The following DENND2A variants were observed in gnomAD, a reference collection of about 807,000 sequenced individuals.
DENND2A encodes DENN domain-containing protein 2A.
In DENND2A, 53 loss-of-function variants were observed where a neutral mutation model predicts 105.3. The ratio of observed to expected loss-of-function variants is 0.50; its 90% CI spans 0.40 to 0.63. DENND2A has a LOEUF of 0.63. Among genes scored for constraint, DENND2A ranks in the 30% least tolerant of loss-of-function variants. The probability of loss-of-function intolerance (pLI) is 0.00; values close to 1 mark genes in which losing one functional copy is unlikely to be tolerated. For synonymous variants in DENND2A, 522 were observed against 508.4 expected, an observed-to-expected ratio of 1.03 and a Z score of -0.36; for missense variants, 1,138 against 1,279.6, an observed-to-expected ratio of 0.89 and a Z score of 1.69.
At position 140,558,187 on chromosome 7, in the gene DENND2A, C is replaced by T; in HGVS notation, c.1915G>A (p.Gly639Arg). ...CCGAACCTTCTGCTCCCATCTTCTC[C>T]AGTTAAGACAAATGAGAATGTTTCA... ...TSETFSFVLT[G>R]EDGSRRFGYC... Residue 639 changes from glycine (G) to arginine (R), a missense_variant, in exon 11 of 20, where the codon GGA becomes AGA. Physicochemically the swap from Gly to Arg is moderately radical, Grantham distance 125. Around this residue, in one of 2 missense-constraint regions of DENND2A, gnomAD observed 627 missense variants for 779.8 expected, o/e 0.80. Transcript: ENST00000496613. 6.2e-7 allele frequency: 1 copy of T among 1,613,606 alleles called. No individual in the cohort carries two copies. Among genetic ancestry groups the T allele is most frequent in the Non-Finnish European group, 8.5e-7 (1 of 1,179,554 alleles).
Position 140,585,840 on chromosome 7 carries a change from T to G in DENND2A, c.1124-130A>C, listed in dbSNP as rs532588099. On this transcript the variant is annotated intron_variant, in intron 4 of 19. Transcript: ENST00000496613. ...GGCATATCTGCTGTTTTGCCATCCA[T>G]GCGCCCCTCCTGTTGGCAGCAGTCT... The G allele has an allele frequency of 6.8e-6, 9 of 1,317,074 alleles. No homozygotes were observed. The East Asian group carries it at 2.1e-4, about 31-fold the overall frequency. The allele number at this position is 1,317,074 out of a possible 1,614,324, so 81.6% of individuals were successfully genotyped here. A position where few individuals can be genotyped will look rare whatever the true frequency, so the allele number is the denominator to read the frequency against.
At chr7:140,563,810 C>T (rs750350263) in intron 9 of DENND2A, among the ~76,000 whole-genome samples, 1 of 151,128 alleles carries the variant, frequency 6.6e-6, no homozygotes, top group Non-Finnish European at 1.5e-5. Flanking sequence ...CTCGTCTCTA[C>T]GAAAAATAAA....
chr7:140,613,441 G>A (rs953099398), intron 1 of DENND2A, among the ~76,000 whole-genome samples: 3 of 151,502 alleles, frequency 2.0e-5, no homozygotes, highest in Non-Finnish European at 2.9e-5. Context: ...TTGGGAGGCT[G>A]AGGCAGGAGA....
chr7:140,599,329 C>T (rs1007176907), intron 3 of DENND2A, among the ~76,000 whole-genome samples: 16 of 148,024 alleles, frequency 1.1e-4, no homozygotes, highest in African/African-American at 3.0e-4. Context: ...TACTCTGTCT[C>T]GAAAAAAAAA....
At chr7:140,612,051 A>C (rs986924888) in intron 1 of DENND2A, among the ~76,000 whole-genome samples, 2 of 151,998 alleles carry the variant, frequency 1.3e-5, no homozygotes, top group African/African-American at 2.4e-5. Context: ...GACCAGCCTG[A>C]CCAAATGGTG....
intron 5 of DENND2A, among the ~76,000 whole-genome samples, chr7:140,574,359 C>T (rs1204878318): frequency 1.3e-5 from 2 of 152,056 alleles, no homozygotes; most frequent in Non-Finnish European, 2.9e-5. Flanking sequence ...GCTGGGACTG[C>T]AAGCACACAC....
At chr7:140,621,206 T>A (rs547367845) in intron 1 of DENND2A, among the ~76,000 whole-genome samples, 2 of 151,950 alleles carry the variant, frequency 1.3e-5, no homozygotes, top group African/African-American at 4.8e-5. Context: ...TTAAAAAATT[T>A]TTTTTTTTTG....
At chr7:140,575,442 A>G (rs1798260072) in intron 5 of DENND2A, among the ~76,000 whole-genome samples, 1 of 152,158 alleles carries the variant, frequency 6.6e-6, no homozygotes, top group South Asian at 2.1e-4. Context: ...TATGATGCAT[A>G]TAGCTTCAGA....
rs528163839 is a variant in DENND2A at position 140,556,401 on chromosome 7, C to T, written c.1960-688G>A. Among the ~76,000 whole-genome samples the T allele has an allele frequency of 6.1e-4, 92 of 151,912 alleles. 1 individual carries two copies. The highest frequency in any genetic ancestry group is 2.3e-3 in the South Asian group (11 of 4,800). On this transcript the variant is annotated intron_variant, in intron 11 of 19. Coordinates refer to ENST00000496613, the MANE Select transcript of DENND2A (RefSeq NM_015689.5). ...TTGTCCAGACTGGAGTGCAGCGACG[C>T]GATCTCAGCTCACTGCACCCTCCAC...
chr7:140,566,093 G>T (rs901270852), intron 9 of DENND2A, among the ~76,000 whole-genome samples: 3 of 152,062 alleles, frequency 2.0e-5, no homozygotes, highest in African/African-American at 7.2e-5. Flanking sequence ...TTTACTTTTT[G>T]CAATCTCTGC....
chr7:140,590,497 AG>A (rs759939176), intron 3 of DENND2A, among the ~76,000 whole-genome samples: 116 of 152,346 alleles, frequency 7.6e-4, no homozygotes, highest in Non-Finnish European at 1.6e-3. Flanking sequence ...GGTTACTGTC[AG>A]ACACCTGGGA....
rs369997641 is a variant in DENND2A, at chr7:140,602,102, A to G, written c.296T>C (p.Met99Thr). Residue 99 changes from methionine (M) to threonine (T), a missense_variant, in exon 3 of 20, where the codon ATG (methionine) becomes ACG (threonine). By Grantham distance (81) the Met-to-Thr change is moderately conservative (BLOSUM62 -1). This residue lies in a region of DENND2A where 511 missense variants were observed against 499.9 expected (regional missense o/e 1.02). Coordinates refer to ENST00000496613, the MANE Select transcript of DENND2A (RefSeq NM_015689.5). ...CTCTGTGCTCTCTGTTCCTGGCCTC[A>G]TTCCATTCTTAGCCTCTGTGACCTG... ...RTQVTEAKNG[M>T]RPGTESTEKE... 95 of 1,613,668 alleles carry G rather than the reference A, an allele frequency of 5.9e-5. No individual in the cohort carries two copies. Among genetic ancestry groups the G allele is most frequent in the Non-Finnish European group, 6.8e-6 (8 of 1,179,974 alleles).
intron 3 of DENND2A, among the ~76,000 whole-genome samples, chr7:140,600,146 T>G (rs531511380): frequency 1.3e-5 from 2 of 151,954 alleles, no homozygotes; most frequent in Middle Eastern, 3.2e-3. Context: ...ATGACAATTA[T>G]TTTAGGAGGT....
Position 140,587,715 on chromosome 7 carries a change from G to A in DENND2A, c.1061C>T (p.Ala354Val), listed in dbSNP as rs1798843214. ...GCGTGTCAGCCCCAGCTTAGTCTGC[G>A]CGTACCAGTCCACCCTGCTGCTCTC... The part of the protein sequence containing the change: ...SSESSRVDWY[A>V]QTKLGLTRTL... Residue 354 changes from alanine to valine, a missense_variant, in exon 4 of 20, where the codon GCG becomes GTG. Physicochemically the swap from Ala to Val is moderately conservative, Grantham distance 64. Transcript: ENST00000496613. 3.7e-6 allele frequency: 6 copies of A among 1,613,426 alleles called. No homozygotes were observed. The highest frequency in any genetic ancestry group is 1.7e-4 in the Middle Eastern group (1 of 6,052).
At chr7:140,519,811 T>G in intron 18 of DENND2A, 93 bp from the exon 19 acceptor site, 1 of 1,147,400 alleles carries the variant, frequency 8.7e-7, no homozygotes, top group Non-Finnish European at 1.3e-6. Flanking sequence ...AGAGAAACCT[T>G]GTTTCTGAGA....
intron 3 of DENND2A, among the ~76,000 whole-genome samples, chr7:140,597,715 TG>T (rs1254461241): frequency 6.6e-6 from 1 of 152,128 alleles, no homozygotes; most frequent in African/African-American, 2.4e-5. Context: ...ATGACACAGA[TG>T]AAGGATTCCA....
chr7:140,594,165 C>CCCAAAATG (rs1247498405), intron 3 of DENND2A, among the ~76,000 whole-genome samples: 1 of 152,206 alleles, frequency 6.6e-6, no homozygotes, highest in African/African-American at 2.4e-5. Flanking sequence ...CCTTCAGACT[C>CCCAAAATG]CCAAAATGTT....
intron 5 of DENND2A, among the ~76,000 whole-genome samples, chr7:140,577,542 C>T (rs1031717278): frequency 6.6e-6 from 1 of 151,876 alleles, no homozygotes; most frequent in African/African-American, 2.4e-5. Context: ...GGATTACAGG[C>T]GAGTGCCACC....
At position 140,567,072 on chromosome 7, in the gene DENND2A, G is replaced by C. The variant is rs1244695429; in HGVS notation, c.1779+14C>G. 6.4e-7 allele frequency: 1 copy of C among 1,563,844 alleles called. No individual in the cohort carries two copies. Among genetic ancestry groups the C allele is most frequent in the South Asian group, 1.2e-5 (1 of 84,756 alleles). Reference sequence around the variant, plus strand: ...GAACCCTGGCAGGCCACAGGGACCTGGCCACCCTGTTACCTTCAGAGGGAA... The same window carrying C: ...GAACCCTGGCAGGCCACAGGGACCTCGCCACCCTGTTACCTTCAGAGGGAA... On this transcript the variant is annotated intron_variant, in intron 9 of 19. Transcript: ENST00000496613.
Sources: allele counts gnomAD v4.1 joint callset (sites outside exome capture counted in the v4.1 genomes callset), GRCh38; gene constraint gnomAD v4.1.1; regional missense constraint gnomAD v4.1.1; transcripts MANE v1.5; gene names NCBI Gene and HGNC (gene_info 2026-07-23, HGNC 2026-07-21).